Variants in MAP4K4 observed in about 807,000 individuals in gnomAD.
MAP4K4 encodes HPK/GCK-like kinase HGK.
A neutral mutation model predicts 189.6 loss-of-function variants in MAP4K4; 38 were observed. The observed-to-expected ratio is 0.20, with a 90% confidence interval of 0.15 to 0.26. The LOEUF (loss-of-function observed/expected upper bound fraction) is 0.26, where lower values mean the gene tolerates loss of function less well. Among genes scored for constraint, MAP4K4 ranks in the 10% least tolerant of loss-of-function variants. MAP4K4 has a pLI of 1.00. For missense variants in MAP4K4, 1,054 were observed against 1,726.9 expected (o/e 0.61, Z 6.91); for synonymous variants, 610 against 624.3 (o/e 0.98, Z 0.34).
intron 9 of MAP4K4, among the ~76,000 whole-genome samples, chr2:101,837,518 TA>T (rs1291898149): frequency 1.3e-5 from 2 of 152,118 alleles, no homozygotes; most frequent in Non-Finnish European, 2.9e-5. Flanking sequence ...CACAGAGTTG[TA>T]AGGATTTTAA....
chr2:101,747,693 C>G (rs922295020), intron 2 of MAP4K4, among the ~76,000 whole-genome samples: 1 of 152,132 alleles, frequency 6.6e-6, no homozygotes, highest in Non-Finnish European at 1.5e-5. Context: ...TTTTCCCTGC[C>G]CCCCCTTCTT....
intron 2 of MAP4K4, among the ~76,000 whole-genome samples, chr2:101,780,587 G>T (rs377442873): frequency 1.6e-4 from 24 of 152,108 alleles, no homozygotes; most frequent in African/African-American, 5.8e-4. Context: ...TTCTGATGTC[G>T]TATGAAATCA....
At chr2:101,710,497 T>C (rs932204533) in intron 2 of MAP4K4, among the ~76,000 whole-genome samples, 1 of 152,200 alleles carries the variant, frequency 6.6e-6, no homozygotes, top group African/African-American at 2.4e-5. Context: ...TAGTACTTAA[T>C]GTGTTTATAA....
intron 2 of MAP4K4, among the ~76,000 whole-genome samples, chr2:101,765,210 A>AG (rs1397785440): frequency 6.6e-6 from 1 of 151,360 alleles, no homozygotes; most frequent in Non-Finnish European, 1.5e-5. Flanking sequence ...GTATGTAGGG[A>AG]GGAAGGGGTA....
At chr2:101,786,000 A>G (rs1348127342) in intron 2 of MAP4K4, among the ~76,000 whole-genome samples, 4 of 151,812 alleles carry the variant, frequency 2.6e-5, no homozygotes, top group Non-Finnish European at 4.4e-5. Flanking sequence ...TGATTTTTGT[A>G]TTTTTAGTAG....
At chr2:101,814,926 A>G (rs1450306122) in intron 3 of MAP4K4, among the ~76,000 whole-genome samples, 7 of 152,204 alleles carry the variant, frequency 4.6e-5, no homozygotes, top group Non-Finnish European at 8.8e-5. Context: ...CTTTGCTTCT[A>G]ATGTCCTCAA....
intron 2 of MAP4K4, among the ~76,000 whole-genome samples, chr2:101,759,565 A>T (rs1250454389): frequency 1.1e-4 from 1 of 8,952 alleles, no homozygotes; most frequent in Non-Finnish European, 1.8e-4. Flanking sequence ...TCCCCTCCCC[A>T]TTCCCCTCCT....
At chr2:101,844,398 GT>G in intron 12 of MAP4K4, 87 bp downstream of exon 12, 9 of 1,078,330 alleles carry the variant, frequency 8.3e-6, no homozygotes, top group Non-Finnish European at 1.2e-5. Context: ...AATATCCTCT[GT>G]AGCTTCCTGG....
chr2:101,780,815 CAT>C (rs2150542316), intron 2 of MAP4K4, among the ~76,000 whole-genome samples: 1 of 152,276 alleles, frequency 6.6e-6, no homozygotes, highest in East Asian at 1.9e-4. Context: ...TTGACAGAGT[CAT>C]ATGATTGAAT....
chr2:101,754,331 C>A (rs1171428682), intron 2 of MAP4K4, among the ~76,000 whole-genome samples: 1 of 134,704 alleles, frequency 7.4e-6, no homozygotes, highest in Non-Finnish European at 1.6e-5. Context: ...AGTTGGGAAG[C>A]TTTTTTGCTG....
intron 24 of MAP4K4, among the ~76,000 whole-genome samples, chr2:101,872,370 A>G (rs2098064561): frequency 6.6e-6 from 1 of 152,130 alleles, no homozygotes. Context: ...TTGTGTGGGA[A>G]ATCTGTGTGC....
intron 2 of MAP4K4, among the ~76,000 whole-genome samples, chr2:101,701,524 G>A (rs922986386): frequency 6.6e-6 from 1 of 152,218 alleles, no homozygotes; most frequent in Non-Finnish European, 1.5e-5. Context: ...GGATCCCTGA[G>A]AGTAGGGGAC....
chr2:101,803,606 A>T (rs2094603992), intron 3 of MAP4K4, among the ~76,000 whole-genome samples: 1 of 152,176 alleles, frequency 6.6e-6, no homozygotes. Context: ...TAATTTGTCC[A>T]TATGATAAAG....
chr2:101,742,949 A>G (rs2063508654), intron 2 of MAP4K4, among the ~76,000 whole-genome samples: 1 of 152,242 alleles, frequency 6.6e-6, no homozygotes, highest in East Asian at 1.9e-4. Flanking sequence ...GAGGCTTTTT[A>G]TCAGGCCCAC....
chr2:101,870,316 T>C, exon 23 of MAP4K4: 3 of 1,613,120 alleles, frequency 1.9e-6, no homozygotes, highest in Non-Finnish European at 2.5e-6. Context: ...ATTTGAGCAA[T>C]GGTGAAACGG....
intron 3 of MAP4K4, among the ~76,000 whole-genome samples, chr2:101,795,343 T>TAGTCA (rs2148882328): frequency 6.6e-6 from 1 of 152,342 alleles, no homozygotes; most frequent in South Asian, 2.1e-4. Context: ...TTGTATTTAT[T>TAGTCA]AGTCAACAAC....
intron 12 of MAP4K4, among the ~76,000 whole-genome samples, chr2:101,848,636 C>T (rs1195133544): frequency 6.6e-6 from 1 of 152,172 alleles, no homozygotes; most frequent in African/African-American, 2.4e-5. Flanking sequence ...GCCATCCACA[C>T]ACTCCTGTCT....
At chr2:101,887,844 G>A in exon 31 of MAP4K4, 2 of 1,613,354 alleles carry the variant, frequency 1.2e-6, no homozygotes, top group South Asian at 1.1e-5. Context: ...GGAGCTTCTG[G>A]TGTGCTATGA....
intron 2 of MAP4K4, among the ~76,000 whole-genome samples, chr2:101,777,341 C>A (rs1365945025): frequency 6.6e-6 from 1 of 152,166 alleles, no homozygotes; most frequent in East Asian, 1.9e-4. Flanking sequence ...GCTTTGGGCA[C>A]TGTGTCTGCT....
Sources: allele counts gnomAD v4.1 joint callset (sites outside exome capture counted in the v4.1 genomes callset), GRCh38; gene constraint gnomAD v4.1.1; transcripts MANE v1.5; gene names NCBI Gene and HGNC (gene_info 2026-07-23, HGNC 2026-07-21).